The following DST variants were observed in gnomAD, a reference collection of about 807,000 sequenced individuals.
DST encodes the protein dystonin, also known as bullous pemphigoid antigen.
Under a neutral mutation model 875.2 loss-of-function variants are expected in DST, and 253 were observed. The ratio of observed to expected loss-of-function variants is 0.29; its 90% confidence interval spans 0.26 to 0.32. The LOEUF is 0.32. DST is among the 10% of genes least tolerant of loss of function. DST has a pLI of 1.00. For synonymous variants in DST, 3,124 were observed against 3,197.1 expected (o/e 0.98, Z 0.77); for missense variants, 8,287 against 9,111.6 (o/e 0.91, Z 3.68).
At chr6:56,800,135 A>G (rs2099745025) in intron 4 of DST, among the ~76,000 whole-genome samples, 2 of 152,214 alleles carry the variant, frequency 1.3e-5, no homozygotes, top group Non-Finnish European at 2.9e-5. Flanking sequence ...TGTAACCACC[A>G]GACACATTTA....
rs183558657 is a variant in DST, at chr6:56,701,893, G to A, written c.949C>T (p.Arg317Cys). The A allele has an allele frequency of 6.8e-5, 108 of 1,595,278 alleles. No homozygotes were observed. The highest frequency in any genetic ancestry group is 6.7e-4 in the Middle Eastern group (4 of 6,000). Residue 317 changes from arginine (R) to cysteine (C), a missense_variant, in exon 8 of 104, where the codon CGC becomes TGC. Arg to Cys is a radical substitution (Grantham distance 180). Around this residue, in one of 10 missense-constraint regions of DST, gnomAD observed 1,160 missense variants for 1,424.3 expected, o/e 0.81. Coordinates refer to ENST00000680361, the MANE Select transcript of DST (RefSeq NM_001374736.1). ...VQIALDYLKR[R>C]QVKLVNIRND... ...GTATTTTCAAAACATCATACCTGGC[G>A]TCTTTTCAAATAGTCAAGTGCAATT...
At chr6:56,865,134 A>G (rs996954862) in intron 3 of DST, among the ~76,000 whole-genome samples, 1 of 152,198 alleles carries the variant, frequency 6.6e-6, no homozygotes, top group Non-Finnish European at 1.5e-5. Context: ...ACAGAGACAG[A>G]GATTCAAGGA....
chr6:56,561,102 G>A lies in DST; in HGVS notation c.14310+206C>T, dbSNP rs1884284. On this transcript the variant is annotated intron_variant, in intron 57 of 103. Coordinates refer to ENST00000680361, the MANE Select transcript of DST (RefSeq NM_001374736.1). ...TACACCCAACAGTTTGCTAACCTAT[G>A]ACATGGCTGTGCCAAAAATTTAAAA... 0.42 allele frequency among the ~76,000 whole-genome samples: 63,654 copies of A among 151,878 alleles called. 13,688 individuals carry two copies. The highest frequency in any genetic ancestry group is 0.47 in the African/African-American group (19,423 of 41,398).
chr6:56,610,910 T>C (rs895690136), intron 38 of DST, among the ~76,000 whole-genome samples: 1 of 152,150 alleles, frequency 6.6e-6, no homozygotes, highest in Non-Finnish European at 1.5e-5. Flanking sequence ...TTTCTCAAGA[T>C]GAAACTTGTT....
intron 36 of DST, among the ~76,000 whole-genome samples, chr6:56,623,953 G>A (rs1215879103): frequency 1.3e-5 from 2 of 151,214 alleles, no homozygotes; most frequent in African/African-American, 4.9e-5. Context: ...CATTTAAATA[G>A]CCTTTTTAAA....
intron 85 of DST, among the ~76,000 whole-genome samples, chr6:56,491,686 G>T (rs74711211): frequency 0.025 from 3,844 of 152,250 alleles, 75 homozygotes; most frequent in Non-Finnish European, 0.043. Flanking sequence ...AAATATTAGA[G>T]AAGAAATGAA....
intron 2 of DST, among the ~76,000 whole-genome samples, chr6:56,926,275 C>T (rs550170990): frequency 5.3e-5 from 8 of 152,082 alleles, no homozygotes; most frequent in African/African-American, 1.7e-4. Flanking sequence ...AGTAATTCAA[C>T]GAATATATTT....
Position 56,628,131 on chromosome 6 carries a change from T to C in DST, c.4506A>G (p.Ser1502=). ...RLRDLEGIGK[S]LKYYRDTYHP... is the part of the protein sequence containing the mutation. ...GGTAAGTGTCTCTGTAGTACTTCAGTGATTTGCCAATGCCCTCTAAGTCCC... is the reference window on the plus strand; with the variant it reads ...GGTAAGTGTCTCTGTAGTACTTCAGCGATTTGCCAATGCCCTCTAAGTCCC... The change falls in exon 33 of 104, where the codon TCA becomes TCG. Residue 1502 remains serine, a synonymous_variant. Transcript: ENST00000680361. 1 of 1,613,862 alleles carries C rather than the reference T, an allele frequency of 6.2e-7. No homozygotes were observed. The highest frequency in any genetic ancestry group is 8.5e-7 in the Non-Finnish European group (1 of 1,179,734).
intron 4 of DST, among the ~76,000 whole-genome samples, chr6:56,790,633 C>T (rs1420110660): frequency 1.3e-5 from 2 of 152,132 alleles, no homozygotes; most frequent in Non-Finnish European, 2.9e-5. Flanking sequence ...TACTGAGTTT[C>T]ATTTGTTCAG....
At chr6:56,838,859 C>T (rs1458529206) in intron 4 of DST, among the ~76,000 whole-genome samples, 1 of 152,158 alleles carries the variant, frequency 6.6e-6, no homozygotes, top group Admixed American at 6.6e-5. Flanking sequence ...ACTAAGAAAC[C>T]TCATGGTGCT....
At chr6:56,811,989 C>G (rs2099760495) in intron 4 of DST, among the ~76,000 whole-genome samples, 1 of 151,368 alleles carries the variant, frequency 6.6e-6, no homozygotes, top group African/African-American at 2.4e-5. Context: ...GTAGTCCCAG[C>G]TACTCAGGAG....
chr6:56,560,670 T>C (rs961349255), intron 57 of DST, among the ~76,000 whole-genome samples: 1 of 152,088 alleles, frequency 6.6e-6, no homozygotes, highest in Non-Finnish European at 1.5e-5. Flanking sequence ...CTTGTCCCCA[T>C]TAGTGAGAAA....
At chr6:56,511,151 C>A in intron 73 of DST, 46 bp downstream of exon 73, 1 of 1,471,834 alleles carries the variant, frequency 6.8e-7, no homozygotes, top group South Asian at 1.2e-5. Context: ...TTTCTGTGCT[C>A]TGTTGTCTGC....
intron 102 of DST, among the ~76,000 whole-genome samples, chr6:56,462,635 C>T (rs746224602): frequency 3.3e-5 from 5 of 151,886 alleles, no homozygotes; most frequent in Non-Finnish European, 5.9e-5. Flanking sequence ...AATCATACTG[C>T]CTTTTACTCC....
intron 92 of DST, 151 bp from the exon 93 acceptor site, chr6:56,474,153 A>T: frequency 1.5e-6 from 1 of 666,326 alleles, no homozygotes. Flanking sequence ...AAAAAAATCT[A>T]AACCATCATA....
At chr6:56,909,977 T>G (rs1006551943) in intron 2 of DST, among the ~76,000 whole-genome samples, 2 of 152,178 alleles carry the variant, frequency 1.3e-5, no homozygotes, top group Admixed American at 1.3e-4. Flanking sequence ...AAATAATGTA[T>G]CTAGAAGATA....
At chr6:56,836,445 G>C (rs1026832094) in intron 4 of DST, among the ~76,000 whole-genome samples, 2 of 152,070 alleles carry the variant, frequency 1.3e-5, no homozygotes, top group Non-Finnish European at 2.9e-5. Context: ...AAAATTTAAG[G>C]CTTAATGCTC....
intron 31 of DST, among the ~76,000 whole-genome samples, chr6:56,629,810 A>G (rs1374893117): frequency 6.6e-6 from 1 of 152,200 alleles, no homozygotes; most frequent in Non-Finnish European, 1.5e-5. Flanking sequence ...AAAATCACTG[A>G]GATAACTTTT....
intron 9 of DST, among the ~76,000 whole-genome samples, chr6:56,694,532 C>G (rs1055078376): frequency 6.6e-6 from 1 of 151,822 alleles, no homozygotes; most frequent in Admixed American, 6.6e-5. Context: ...TTGTTTTTAA[C>G]TTGATTTTCA....
Sources: gnomAD v4.1 joint callset for allele counts (sites outside exome capture counted in the v4.1 genomes callset) on GRCh38, gnomAD v4.1.1 for gene constraint, gnomAD v4.1.1 regional missense constraint, MANE v1.5 for transcripts, NCBI Gene and HGNC (gene_info 2026-07-23, HGNC 2026-07-21) for gene names.